The following PKD1L1 variants were observed in gnomAD, a reference collection of about 807,000 sequenced individuals.
The protein encoded by PKD1L1 is polycystin-1-like protein 1.
In PKD1L1, 236 loss-of-function variants were observed where a neutral mutation model predicts 323.4. The observed-to-expected ratio is 0.73, with a 90% confidence interval of 0.66 to 0.81. The LOEUF (loss-of-function observed/expected upper bound fraction) is 0.81. Among genes scored for constraint, PKD1L1 ranks in the 40% least tolerant of loss-of-function variants. PKD1L1 has a pLI of 0.00. For synonymous variants in PKD1L1, 1,344 were observed against 1,335.0 expected (o/e 1.01, Z -0.15); for missense variants, 3,320 against 3,508.0 (o/e 0.95, Z 1.35).
intron 56 of PKD1L1, among the ~76,000 whole-genome samples, chr7:47,788,762 A>G (rs1786872201): frequency 6.6e-6 from 1 of 151,018 alleles, no homozygotes; most frequent in African/African-American, 2.4e-5. Flanking sequence ...CACCCGGCTA[A>G]TTTGTTTTGT....
intron 53 of PKD1L1, 51 bp from the exon 54 acceptor site, chr7:47,800,930 G>T: frequency 6.7e-7 from 1 of 1,495,128 alleles, no homozygotes; most frequent in Non-Finnish European, 9.3e-7. Context: ...CTTCTTAGGA[G>T]TGGAAGACTC....
At chr7:47,793,443 G>C (rs972364387) in intron 55 of PKD1L1, among the ~76,000 whole-genome samples, 1 of 152,114 alleles carries the variant, frequency 6.6e-6, no homozygotes, top group South Asian at 2.1e-4. Context: ...AGATCTGATG[G>C]CTTATCAGGT....
At chr7:47,808,550 T>C (rs1443337081) in intron 51 of PKD1L1, among the ~76,000 whole-genome samples, 163 bp from the exon 52 acceptor site, 1 of 152,178 alleles carries the variant, frequency 6.6e-6, no homozygotes, top group Non-Finnish European at 1.5e-5. Context: ...GGGAACATTA[T>C]AGGGTGCACT....
rs1284573080 is a variant in PKD1L1, at chr7:47,812,110, T to C, written c.7347-59A>G. ...CAGGGAGAAAGGCACAGAAGTCTACTGAGGCTCCCAGCTGCAGGTCCCATG... is the reference window on the plus strand; with the variant it reads ...CAGGGAGAAAGGCACAGAAGTCTACCGAGGCTCCCAGCTGCAGGTCCCATG... On this transcript the variant is annotated intron_variant, in intron 49 of 56. Transcript: ENST00000289672. 4.3e-6 allele frequency: 6 copies of C among 1,400,580 alleles called. No homozygotes were observed. In the East Asian group the frequency reaches 1.5e-4, roughly 35 times the overall value. 86.8% of individuals were successfully genotyped at this position (1,400,580 alleles called of 1,614,324 possible).
chr7:47,879,681 C>T (rs1038880658), intron 21 of PKD1L1, among the ~76,000 whole-genome samples: 3 of 140,466 alleles, frequency 2.1e-5, no homozygotes, highest in Admixed American at 7.3e-5. Context: ...CGCCTGTAAT[C>T]CCAGCACTTT....
intron 45 of PKD1L1, among the ~76,000 whole-genome samples, chr7:47,822,603 A>AC: frequency 6.6e-6 from 1 of 151,004 alleles, no homozygotes; most frequent in Non-Finnish European, 1.5e-5. Context: ...TCAAAAAAAA[A>AC]AAAAAAAAAA....
chr7:47,910,613 C>T (rs1787299797), intron 8 of PKD1L1, among the ~76,000 whole-genome samples: 1 of 151,652 alleles, frequency 6.6e-6, no homozygotes, highest in African/African-American at 2.4e-5. Context: ...GGTGGGATTA[C>T]AGGCGTGAGC....
upstream of PKD1L1, among the ~76,000 whole-genome samples, chr7:47,951,294 AC>A (rs1029006958): frequency 6.6e-6 from 1 of 152,170 alleles, no homozygotes; most frequent in Non-Finnish European, 1.5e-5. Context: ...ATGTGCAAGG[AC>A]GGAACCCCCT....
At chr7:47,787,596 A>G (rs1224433888) in intron 56 of PKD1L1, among the ~76,000 whole-genome samples, 2 of 152,252 alleles carry the variant, frequency 1.3e-5, no homozygotes, top group South Asian at 2.1e-4. Context: ...CTGCTCAACC[A>G]TATTATAAAT....
chr7:47,800,872 C>G lies in PKD1L1; in HGVS notation c.7970G>C (p.Gly2657Ala). 6.2e-7 allele frequency: 1 copy of G among 1,613,722 alleles called. No homozygotes were observed. The highest frequency in any genetic ancestry group is 8.5e-7 in the Non-Finnish European group (1 of 1,179,796). Reference protein sequence around the residue: ...LPSIFVAGLVGALMLAALSHL... With the variant: ...LPSIFVAGLVAALMLAALSHL... Reference sequence around the variant, plus strand: ...GGAGAGGGCGGCCAGCATCAGTGCCCCCACCAGCTGCAGAAAGAAAATCCA... The same window carrying G: ...GGAGAGGGCGGCCAGCATCAGTGCCGCCACCAGCTGCAGAAAGAAAATCCA... The change falls in exon 54 of 57, where the codon GGG (glycine) becomes GCG (alanine). Residue 2657 changes from glycine to alanine, a missense_variant. Gly to Ala is a moderately conservative substitution (Grantham distance 60). Coordinates refer to ENST00000289672, the MANE Select transcript of PKD1L1 (RefSeq NM_138295.5).
intron 21 of PKD1L1, 108 bp downstream of exon 21, chr7:47,880,620 C>G (rs1786531778): frequency 1.3e-6 from 1 of 745,158 alleles, no homozygotes; most frequent in Non-Finnish European, 2.1e-6. Context: ...AACTGCTTAG[C>G]CTTTACGCTG....
intron 24 of PKD1L1, among the ~76,000 whole-genome samples, chr7:47,869,490 A>T (rs1786234721): frequency 6.6e-6 from 1 of 152,182 alleles, no homozygotes; most frequent in African/African-American, 2.4e-5. Context: ...AAGAAATTAG[A>T]CAAAAACAGA....
intron 54 of PKD1L1, 111 bp from the exon 55 acceptor site, chr7:47,796,261 C>A: frequency 1.9e-6 from 2 of 1,040,672 alleles, no homozygotes; most frequent in South Asian, 2.0e-5. Context: ...TGCTACTTTA[C>A]GAGCTTTTGG....
intron 52 of PKD1L1, among the ~76,000 whole-genome samples, chr7:47,806,051 A>T (rs530413866): frequency 1.1e-4 from 16 of 152,276 alleles, no homozygotes; most frequent in Middle Eastern, 3.4e-3. Flanking sequence ...GGGGCAGGGA[A>T]CATAATGAGA....
chr7:47,947,774 T>A (rs1413010232), intron 1 of PKD1L1, among the ~76,000 whole-genome samples: 1 of 152,194 alleles, frequency 6.6e-6, no homozygotes, highest in African/African-American at 2.4e-5. Context: ...GAGACCATCC[T>A]GGCTAACACA....
Position 47,775,161 on chromosome 7 carries a change from T to G in PKD1L1, c.8532A>C (p.Ala2844=), listed in dbSNP as rs757570544. The change falls in exon 57 of 57, where the codon GCA becomes GCC. Residue 2844 remains alanine (A), a synonymous_variant. Transcript: ENST00000289672. ...DISSYQAAEP[A]DIKDF is the part of the protein sequence containing the mutation. ...AGGCTCCTCAGAAGTCCTTGATGTC[T>G]GCTGGCTAAAAAGAAAAAATGAAAA... The G allele has an allele frequency of 1.1e-5, 17 of 1,613,950 alleles. No individual in the cohort carries two copies. In the African/African-American group the frequency reaches 2.0e-4, roughly 19 times the overall value.
At chr7:47,940,604 A>G (rs1289976225) in intron 2 of PKD1L1, among the ~76,000 whole-genome samples, 1 of 152,238 alleles carries the variant, frequency 6.6e-6, no homozygotes, top group Non-Finnish European at 1.5e-5. Context: ...AGAAACACCC[A>G]GTGGTCTGGT....
chr7:47,849,884 T>C (rs1364708048), intron 31 of PKD1L1, among the ~76,000 whole-genome samples: 2 of 151,766 alleles, frequency 1.3e-5, no homozygotes, highest in African/African-American at 2.4e-5. Context: ...CTGGATGGAG[T>C]TGGAGACCAT....
At chr7:47,888,569 T>C (rs561268533) in intron 16 of PKD1L1, among the ~76,000 whole-genome samples, 11 of 152,372 alleles carry the variant, frequency 7.2e-5, no homozygotes, top group African/African-American at 2.6e-4. Flanking sequence ...TTCTACCAGC[T>C]GCAAACCCAT....
Sources: allele counts gnomAD v4.1 joint callset (sites outside exome capture counted in the v4.1 genomes callset), GRCh38; gene constraint gnomAD v4.1.1; transcripts MANE v1.5; gene names NCBI Gene and HGNC (gene_info 2026-07-23, HGNC 2026-07-21).